The following ZNF540 variants were observed in gnomAD, a reference collection of about 807,000 sequenced individuals.
ZNF540 encodes the protein zinc finger protein 540.
A neutral mutation model predicts 11.8 loss-of-function variants in ZNF540; 3 were observed. That is an observed-to-expected ratio of 0.25 (90% confidence interval 0.12 to 0.65). The LOEUF is 0.65. Ranked by LOEUF, ZNF540 falls within the 30% of genes least tolerant of loss-of-function variation. The pLI is 0.83. For synonymous variants in ZNF540, 247 were observed against 259.0 expected (o/e 0.95, Z 0.45); for missense variants, 709 against 793.1 (o/e 0.89, Z 1.27).
intron 1 of ZNF540, among the ~76,000 whole-genome samples, chr19:37,580,492 A>G (rs181543296): frequency 5.9e-4 from 90 of 152,328 alleles, no homozygotes; most frequent in Non-Finnish European, 1.1e-3. Flanking sequence ...ATGGATATAC[A>G]ACATGAAATA....
intron 1 of ZNF540, among the ~76,000 whole-genome samples, chr19:37,551,833 T>G (rs56681143): frequency 4.2e-4 from 63 of 150,112 alleles, no homozygotes; most frequent in African/African-American, 1.1e-3. Flanking sequence ...TCTGTGTGTG[T>G]GGGGGGGGTG....
intron 1 of ZNF540, chr19:37,583,840 C>T: frequency 4.6e-6 from 4 of 867,612 alleles, no homozygotes; most frequent in South Asian, 3.5e-5. Flanking sequence ...AAAAGGTACA[C>T]GGTGGAGCTG....
rs888250199 is a variant in ZNF540, at chr19:37,598,573, A to G, written c.9+117A>G. 2.7e-6 allele frequency: 3 copies of G among 1,121,634 alleles called. No homozygotes were observed. In the East Asian group the frequency reaches 7.2e-5, roughly 27 times the overall value. The allele number at this position is 1,121,634 out of a possible 1,614,324, so 69.5% of individuals were successfully genotyped here. ...TTTTTTCTTCATCCCCACATTTCCAAGCTCCTCCCATGGGCCCCCTCTCTT... is the reference window on the plus strand; with the variant it reads ...TTTTTTCTTCATCCCCACATTTCCAGGCTCCTCCCATGGGCCCCCTCTCTT... On this transcript the variant is annotated intron_variant, in intron 2 of 4. Coordinates refer to ENST00000316433, the MANE Select transcript of ZNF540 (RefSeq NM_001172225.3).
chr19:37,558,140 C>G (rs1438046147), intron 1 of ZNF540, among the ~76,000 whole-genome samples: 2 of 152,258 alleles, frequency 1.3e-5, no homozygotes, highest in Middle Eastern at 3.4e-3. Flanking sequence ...ATTAACGGGC[C>G]ATTTCATTCT....
chr19:37,565,296 G>A, intron 1 of ZNF540: 2 of 1,611,190 alleles, frequency 1.2e-6, no homozygotes, highest in Non-Finnish European at 1.7e-6. Context: ...TGGTAAGTAA[G>A]TTGTGAGCCA....
chr19:37,560,179 G>A (rs1478086576), intron 1 of ZNF540, among the ~76,000 whole-genome samples: 2 of 151,872 alleles, frequency 1.3e-5, no homozygotes, highest in Non-Finnish European at 2.9e-5. Context: ...TCAGGAGGCT[G>A]AGGCAGGAGA....
chr19:37,612,236 G>T lies in ZNF540; in HGVS notation c.956G>T (p.Arg319Ile), dbSNP rs758492781. 8 of 1,613,750 alleles carry T rather than the reference G, an allele frequency of 5.0e-6. No individual in the cohort carries two copies. In the South Asian group the frequency reaches 5.5e-5, roughly 11 times the overall value. The part of the protein sequence containing the change: ...QLIFYFKEHE[R>I]IHTGKKPYEC... The stretch of plus-strand genomic sequence containing the variant: ...ATTTTCTACTTTAAAGAACATGAGA[G>T]AATTCATACAGGTAAGAAACCCTAT... Residue 319 changes from arginine to isoleucine, a missense_variant, in exon 5 of 5, where the codon AGA becomes ATA. Arg to Ile is a moderately conservative substitution (Grantham distance 97). Coordinates refer to ENST00000316433, the MANE Select transcript of ZNF540 (RefSeq NM_001172225.3).
Position 37,612,694 on chromosome 19 carries a change from T to G in ZNF540, c.1414T>G (p.Cys472Gly). 1 of 1,614,140 alleles carries G rather than the reference T, an allele frequency of 6.2e-7. No individual in the cohort carries two copies. The highest frequency in any genetic ancestry group is 1.1e-5 in the South Asian group (1 of 91,072). Reference protein sequence around the residue: ...TGVKPYECKECGKTFRVRSQI... With the variant: ...TGVKPYECKEGGKTFRVRSQI... ...TGTGAAGCCCTACGAATGTAAGGAA[T>G]GTGGGAAGACCTTTCGAGTTCGTTC... is the stretch of plus-strand genomic sequence containing the variant. Residue 472 changes from cysteine to glycine, a missense_variant, in exon 5 of 5, where the codon TGT (cysteine) becomes GGT (glycine). Physicochemically the swap from Cys to Gly is radical, Grantham distance 159 (BLOSUM62 -3). Transcript: ENST00000316433.
At chr19:37,598,517 T>C in intron 2 of ZNF540, 61 bp downstream of exon 2, 1 of 1,583,792 alleles carries the variant, frequency 6.3e-7, no homozygotes, top group Non-Finnish European at 8.7e-7. Flanking sequence ...ATGTGAACAT[T>C]TTCACTCTTT....
Position 37,612,413 on chromosome 19 carries a change from C to A in ZNF540, c.1133C>A (p.Ala378Glu). 6.2e-7 allele frequency: 1 copy of A among 1,613,962 alleles called. No individual in the cohort carries two copies. The highest frequency in any genetic ancestry group is 8.5e-7 in the Non-Finnish European group (1 of 1,180,010). Residue 378 changes from alanine (A) to glutamate (E), a missense_variant, in exon 5 of 5, where the codon GCA becomes GAA. Ala to Glu is a moderately radical substitution (Grantham distance 107). Transcript: ENST00000316433. ...FYLTEHRRTH[A>E]GKKPYECKEC... The stretch of plus-strand genomic sequence containing the variant: ...CTTACTGAACACAGAAGAACTCATG[C>A]AGGTAAGAAACCTTATGAATGTAAG...
intron 1 of ZNF540, chr19:37,566,105 A>ATG: frequency 6.2e-7 from 1 of 1,614,042 alleles, no homozygotes; most frequent in Non-Finnish European, 8.5e-7. Context: ...TTTGACACAC[A>ATG]TGTAAAGCCC....
At chr19:37,601,127 C>A in intron 4 of ZNF540, 22 bp downstream of exon 4, 3 of 1,552,422 alleles carry the variant, frequency 1.9e-6, no homozygotes, top group Non-Finnish European at 2.6e-6. Context: ...GTTCATCAGG[C>A]AGATGGAAGC....
intron 1 of ZNF540, among the ~76,000 whole-genome samples, chr19:37,575,324 AG>A (rs1278471555): frequency 1.3e-5 from 2 of 152,248 alleles, no homozygotes; most frequent in African/African-American, 4.8e-5. Context: ...CATGCATATA[AG>A]CATATACATG....
chr19:37,560,859 A>G (rs1213597197), intron 1 of ZNF540: 1 of 152,060 alleles, frequency 6.6e-6, no homozygotes, highest in African/African-American at 2.4e-5. Context: ...TATGAAATAA[A>G]CATAAGTGCT....
At chr19:37,589,604 G>T (rs944440570) in intron 1 of ZNF540, among the ~76,000 whole-genome samples, 1 of 151,906 alleles carries the variant, frequency 6.6e-6, no homozygotes, top group South Asian at 2.1e-4. Flanking sequence ...AGATCCTACT[G>T]GACTAAGTTC....
At position 37,613,245 on chromosome 19, in the gene ZNF540, A is replaced by G; in HGVS notation, c.1965A>G (p.Lys655=). The G allele has an allele frequency of 3.3e-6, 5 of 1,508,476 alleles. No homozygotes were observed. The highest frequency in any genetic ancestry group is 4.4e-6 in the Non-Finnish European group (5 of 1,127,832). 93.4% of individuals were successfully genotyped at this position (1,508,476 alleles called of 1,614,324 possible). A position where few individuals can be genotyped will look rare whatever the true frequency, so the allele number is the denominator to read the frequency against. The change falls in exon 5 of 5, where the codon AAA becomes AAG. Residue 655 remains lysine (K), a synonymous_variant. Transcript: ENST00000316433. ...ATTCACATCTTTATCAACATCAGAA[A>G]ACTCATAATGTAATTTAATATAAGA... The part of the protein sequence containing the change: ...RQYSHLYQHQ[K]THNVI
rs1399311413 is a variant in ZNF540 at position 37,555,794 on chromosome 19, C to T, written c.-73+4129C>T. 1.1e-5 allele frequency: 7 copies of T among 645,926 alleles called. No individual in the cohort carries two copies. The Admixed American group carries it at 1.6e-4, about 15-fold the overall frequency. The allele number at this position is 645,926 out of a possible 1,614,324, so 40.0% of individuals were successfully genotyped here. A position where few individuals can be genotyped will look rare whatever the true frequency, so the allele number is the denominator to read the frequency against. On this transcript the variant is annotated intron_variant, in intron 1 of 4. Coordinates refer to the ZNF540 transcript ENST00000592533. The stretch of plus-strand genomic sequence containing the variant: ...ATAAAATCTTAATTCCCATGACATG[C>T]CATAATACTACTGAGTTGAATTAGG...
chr19:37,565,549 T>C (rs753070487), intron 1 of ZNF540: 4 of 1,613,368 alleles, frequency 2.5e-6, no homozygotes, highest in Admixed American at 1.7e-5. Context: ...GGTAAGTAAG[T>C]TGAGAGCCAA....
chr19:37,556,480 T>G (rs2042660787), intron 1 of ZNF540, among the ~76,000 whole-genome samples: 1 of 152,212 alleles, frequency 6.6e-6, no homozygotes, highest in Middle Eastern at 3.4e-3. Context: ...TTCAGAGCCA[T>G]TGGCGTTGTG....
Sources: gnomAD v4.1 joint callset for allele counts (sites outside exome capture counted in the v4.1 genomes callset) on GRCh38, gnomAD v4.1.1 for gene constraint, MANE v1.5 for transcripts, NCBI Gene and HGNC (gene_info 2026-07-23, HGNC 2026-07-21) for gene names.